NCKAP5: variants seen among roughly 807,000 people sequenced by gnomAD.
NCKAP5 encodes NCK associated protein 5, also known as nck-associated protein 5.
Under a neutral mutation model 167.0 loss-of-function variants are expected in NCKAP5, and 92 were observed. The observed-to-expected ratio is 0.55, with a 90% CI of 0.47 to 0.66. The LOEUF (loss-of-function observed/expected upper bound fraction) is 0.66, where lower values mean the gene tolerates loss of function less well. NCKAP5 is among the 30% of genes least tolerant of loss of function. The pLI, the probability that NCKAP5 is intolerant of heterozygous loss-of-function variation, is 0.00. For synonymous variants in NCKAP5, 891 were observed against 877.4 expected (o/e 1.02, Z -0.27); for missense variants, 2,378 against 2,315.0 (o/e 1.03, Z -0.56).
chr2:132,755,288 TC>T (rs1473391873), intron 16 of NCKAP5, among the ~76,000 whole-genome samples: 6 of 152,152 alleles, frequency 3.9e-5, no homozygotes, highest in Admixed American at 3.9e-4. Flanking sequence ...TAAGAGGGCA[TC>T]CCCTGCTTGA....
chr2:133,004,599 G>A (rs1478861358), intron 6 of NCKAP5, among the ~76,000 whole-genome samples: 1 of 152,138 alleles, frequency 6.6e-6, no homozygotes, highest in Non-Finnish European at 1.5e-5. Flanking sequence ...AAGATCACAA[G>A]GCAAACGGCA....
intron 8 of NCKAP5, among the ~76,000 whole-genome samples, chr2:132,933,028 C>T (rs1696542987): frequency 6.6e-6 from 1 of 151,510 alleles, no homozygotes; most frequent in Non-Finnish European, 1.5e-5. Flanking sequence ...GGGTTCACGC[C>T]ATTCTCCTGC....
Position 132,850,478 on chromosome 2 carries a change from G to A in NCKAP5, c.807+10014C>T, listed in dbSNP as rs573585659. Among the ~76,000 whole-genome samples, 9 of 152,014 alleles carry A rather than the reference G, an allele frequency of 5.9e-5. No homozygotes were observed. In the South Asian group the frequency reaches 1.9e-3, roughly 32 times the overall value. ...GCTAAGAAGAAGCCGCAGCCTCTAG[G>A]GGCTCATCTCCCTGTTTGTAAAACA... On this transcript the variant is annotated intron_variant, in intron 11 of 19. Transcript: ENST00000409261.
chr2:133,519,037 T>C (rs914742136), intron 2 of NCKAP5, among the ~76,000 whole-genome samples: 24 of 152,196 alleles, frequency 1.6e-4, no homozygotes, highest in African/African-American at 5.3e-4. Flanking sequence ...CAACTCTCAA[T>C]TGCTCCAAGC....
At chr2:133,317,483 G>T (rs1269712409) in intron 3 of NCKAP5, among the ~76,000 whole-genome samples, 1 of 152,132 alleles carries the variant, frequency 6.6e-6, no homozygotes, top group Non-Finnish European at 1.5e-5. Flanking sequence ...ATGAGGCTGG[G>T]TGGGGTTTTG....
chr2:133,402,549 G>A (rs1408973063), intron 3 of NCKAP5, among the ~76,000 whole-genome samples: 2 of 152,116 alleles, frequency 1.3e-5, no homozygotes, highest in African/African-American at 2.4e-5. Flanking sequence ...AATGTTGGAG[G>A]TGGGCCTAGT....
intron 11 of NCKAP5, among the ~76,000 whole-genome samples, chr2:132,841,859 G>T (rs1055623025): frequency 6.6e-5 from 10 of 151,982 alleles, no homozygotes; most frequent in African/African-American, 2.4e-4. Context: ...TTCAGAAATT[G>T]CCTCATTTAG....
At chr2:132,687,287 C>T (rs573895443) in intron 19 of NCKAP5, among the ~76,000 whole-genome samples, 12 of 152,192 alleles carry the variant, frequency 7.9e-5, no homozygotes, top group African/African-American at 1.7e-4. Flanking sequence ...AATTGTATTG[C>T]ACAGAGGAAT....
chr2:133,005,611 G>A (rs562618149), intron 6 of NCKAP5, among the ~76,000 whole-genome samples: 1 of 152,208 alleles, frequency 6.6e-6, no homozygotes, highest in Non-Finnish European at 1.5e-5. Context: ...AACATTCTCT[G>A]ATACCACGCA....
At chr2:133,374,484 C>T (rs929593865) in intron 3 of NCKAP5, among the ~76,000 whole-genome samples, 3 of 152,024 alleles carry the variant, frequency 2.0e-5, no homozygotes, top group Non-Finnish European at 4.4e-5. Context: ...TGACCTTGGG[C>T]GACCATGATG....
At position 133,346,635 on chromosome 2, in the gene NCKAP5, C is replaced by T. The variant is rs111658069; in HGVS notation, c.70-43525G>A. ...GCGGGCCCCTCACAGAGCATGTGTTCGCAAAGTGGCCCACGCAAGGAGCAC... is the reference window on the plus strand; with the variant it reads ...GCGGGCCCCTCACAGAGCATGTGTTTGCAAAGTGGCCCACGCAAGGAGCAC... On this transcript the variant is annotated intron_variant, in intron 3 of 19. Coordinates refer to ENST00000409261, the MANE Select transcript of NCKAP5 (RefSeq NM_207363.3). Among the ~76,000 whole-genome samples the T allele has an allele frequency of 2.7e-3, 404 of 152,282 alleles. 5 individuals are homozygous for T. The highest frequency in any genetic ancestry group is 9.4e-3 in the African/African-American group (389 of 41,554).
chr2:133,434,905 C>T (rs548804396), intron 3 of NCKAP5, among the ~76,000 whole-genome samples: 20 of 152,028 alleles, frequency 1.3e-4, no homozygotes, highest in Non-Finnish European at 1.6e-4. Context: ...CACACCTGTA[C>T]GTATCAGCAG....
rs138327534 is a variant in NCKAP5 at position 133,040,933 on chromosome 2, GA to G, written c.342-46695del. 6.9e-3 allele frequency among the ~76,000 whole-genome samples: 1,052 copies of G among 152,190 alleles called. 11 individuals are homozygous for G. Among genetic ancestry groups the G allele is most frequent in the African/African-American group, 0.024 (1,010 of 41,520 alleles). On this transcript the variant is annotated intron_variant, in intron 6 of 19. Coordinates refer to ENST00000409261, the MANE Select transcript of NCKAP5 (RefSeq NM_207363.3). Reference sequence around the variant, plus strand: ...CATGCAAAATTAATTAAAAGTTATTGAATTTTCTCCTGGATAATTTCTGGGC... The same window carrying G: ...CATGCAAAATTAATTAAAAGTTATTGATTTTCTCCTGGATAATTTCTGGGC...
intron 3 of NCKAP5, among the ~76,000 whole-genome samples, chr2:133,384,845 T>C (rs1686813583): frequency 6.6e-6 from 1 of 152,234 alleles, no homozygotes; most frequent in Non-Finnish European, 1.5e-5. Flanking sequence ...GATTTGGCTG[T>C]TTGTCTGTTA....
chr2:132,915,926 C>A (rs1694838432), intron 8 of NCKAP5, among the ~76,000 whole-genome samples: 1 of 151,866 alleles, frequency 6.6e-6, no homozygotes, highest in Admixed American at 6.6e-5. Context: ...AGATAAAATA[C>A]CCAACACTAG....
At chr2:133,338,433 A>T (rs1683356037) in intron 3 of NCKAP5, among the ~76,000 whole-genome samples, 1 of 152,240 alleles carries the variant, frequency 6.6e-6, no homozygotes, top group African/African-American at 2.4e-5. Flanking sequence ...AACCTGAATC[A>T]TGCACCCCCA....
At chr2:133,275,825 G>C (rs1198385813) in intron 4 of NCKAP5, among the ~76,000 whole-genome samples, 2 of 150,916 alleles carry the variant, frequency 1.3e-5, no homozygotes, top group Non-Finnish European at 3.0e-5. Flanking sequence ...TTTTTAAATA[G>C]ATCACTACAT....
the NCKAP5 span, among the ~76,000 whole-genome samples, chr2:133,588,261 T>TCCTCCCTC: frequency 2.8e-4 from 33 of 117,418 alleles, no homozygotes; most frequent in Non-Finnish European, 5.1e-4. Flanking sequence ...GATTCCTTTT[T>TCCTCCCTC]CCTCCCTCCC....
chr2:132,956,151 A>C (rs150784302), intron 8 of NCKAP5, among the ~76,000 whole-genome samples: 1 of 152,338 alleles, frequency 6.6e-6, no homozygotes, highest in African/African-American at 2.4e-5. Context: ...AGCTTGATGT[A>C]ATTATTACAT....
Sources: gnomAD v4.1 joint callset for allele counts (sites outside exome capture counted in the v4.1 genomes callset) on GRCh38, gnomAD v4.1.1 for gene constraint, MANE v1.5 for transcripts, NCBI Gene and HGNC (gene_info 2026-07-23, HGNC 2026-07-21) for gene names.